Variants in KLF9 observed in about 807,000 individuals in gnomAD.
KLF9 encodes the protein Krueppel-like factor 9.
A neutral mutation model predicts 17.3 loss-of-function variants in KLF9; 2 were observed. The observed-to-expected ratio is 0.12, with a 90% confidence interval of 0.05 to 0.36. The LOEUF is 0.36. KLF9 is among the 10% of genes least tolerant of loss of function. The pLI, the probability that KLF9 is intolerant of heterozygous loss-of-function variation, is 1.00. For synonymous variants in KLF9, 138 were observed against 139.2 expected (o/e 0.99, Z 0.06); for missense variants, 226 against 333.2 (o/e 0.68, Z 2.51).
In KLF9 at chr9:70,404,430, C is replaced by T. The variant is rs181900747; in HGVS notation, c.505+8429G>A. Among the ~76,000 whole-genome samples the T allele has an allele frequency of 4.7e-4, 71 of 151,960 alleles. 2 individuals are homozygous for T. In the East Asian group the frequency reaches 0.01, roughly 22 times the overall value. The stretch of plus-strand genomic sequence containing the variant: ...GCCTGGGCAACATAGTGAAACCCAG[C>T]CTCTACAAAAAATGGTGTGCATCTG... On this transcript the variant is annotated intron_variant, in intron 1 of 1. Transcript: ENST00000377126.
Position 70,413,198 on chromosome 9 carries a change from C to T in KLF9, c.166G>A (p.Asp56Asn), listed in dbSNP as rs1254839485. 2 of 1,614,034 alleles carry T rather than the reference C, an allele frequency of 1.2e-6. No homozygotes were observed. The highest frequency in any genetic ancestry group is 1.7e-6 in the Non-Finnish European group (2 of 1,180,054). ...EHGDPGDTWK[D>N]YCTLVTIAKS... is the part of the protein sequence containing the mutation. ...GCGATGGTGACCAGTGTGCAGTAAT[C>T]CTTCCAGGTGTCCCCCGGGTCACCG... The change falls in exon 1 of 2, where the codon GAT becomes AAT. Residue 56 changes from aspartate (D) to asparagine (N), a missense_variant. Coordinates refer to ENST00000377126, the MANE Select transcript of KLF9 (RefSeq NM_001206.4). This position sits in a 1 kb window ranked among gnomAD's most constrained non-coding sequence, Gnocchi z 5.6.
At position 70,406,912 on chromosome 9, in the gene KLF9, A is replaced by G. The variant is rs1255680379; in HGVS notation, c.505+5947T>C. Among the ~76,000 whole-genome samples, 18 of 148,802 alleles carry G rather than the reference A, an allele frequency of 1.2e-4. No homozygotes were observed. In the South Asian group the frequency reaches 1.9e-3, roughly 16 times the overall value. ...GAGAGAGAGAGAGAAAAAAAAAAAA[A>G]GAACACGGAAGATTTGGAAGTCAAG... On this transcript the variant is annotated intron_variant, in intron 1 of 1. Transcript: ENST00000377126.
At chr9:70,398,490 T>C (rs903868793) in intron 1 of KLF9, among the ~76,000 whole-genome samples, 3 of 133,608 alleles carry the variant, frequency 2.2e-5, no homozygotes, top group Admixed American at 1.4e-4. Context: ...GATAACAGAA[T>C]TTTTTTTTTT....
rs2037125235 is a variant in KLF9 at position 70,387,875 on chromosome 9, G to A, written c.636C>T (p.Phe212=). Residue 212 remains phenylalanine, a synonymous_variant, in exon 2 of 2, where the codon TTC becomes TTT. Transcript: ENST00000377126. The part of the protein sequence containing the change: ...QFRCPLCEKR[F]MRSDHLTKHA... ...GCTTTGTGAGGTGGTCACTCCTCATGAAGCGCTTCTCACACAGCGGACAGC... is the reference window on the plus strand; with the variant it reads ...GCTTTGTGAGGTGGTCACTCCTCATAAAGCGCTTCTCACACAGCGGACAGC... 6.2e-7 allele frequency: 1 copy of A among 1,614,132 alleles called. No homozygotes were observed. Among genetic ancestry groups the A allele is most frequent in the Non-Finnish European group, 8.5e-7 (1 of 1,180,022 alleles).
At chr9:70,412,483 T>C (rs1024089944) in intron 1 of KLF9, among the ~76,000 whole-genome samples, 1 of 151,914 alleles carries the variant, frequency 6.6e-6, no homozygotes, top group Non-Finnish European at 1.5e-5. Flanking sequence ...GAGAATTAAA[T>C]AAAAGATACG....
intron 1 of KLF9, 115 bp downstream of exon 1, chr9:70,412,744 A>T: frequency 1.0e-6 from 1 of 960,746 alleles, no homozygotes; most frequent in Non-Finnish European, 1.6e-6. Flanking sequence ...ACCGCATCTT[A>T]TCCAACATGT....
intron 1 of KLF9, among the ~76,000 whole-genome samples, chr9:70,412,158 G>A (rs2037320063): frequency 7.3e-6 from 1 of 137,628 alleles, no homozygotes; most frequent in Admixed American, 8.2e-5. Flanking sequence ...CGATTCAGGG[G>A]TGGAGGGTGC....
In KLF9 at chr9:70,413,207, T is replaced by A. The variant is rs2037340592; in HGVS notation, c.157A>T (p.Thr53Ser). The change falls in exon 1 of 2, where the codon ACC becomes TCC. Residue 53 changes from threonine to serine, a missense_variant. By Grantham distance (58) the Thr-to-Ser change is moderately conservative (BLOSUM62 1). Coordinates refer to ENST00000377126, the MANE Select transcript of KLF9 (RefSeq NM_001206.4). The surrounding 1 kb of genome is among the most constrained non-coding windows in gnomAD (Gnocchi z 5.6). ...VTKEHGDPGD[T>S]WKDYCTLVTI... The stretch of plus-strand genomic sequence containing the variant: ...ACCAGTGTGCAGTAATCCTTCCAGG[T>A]GTCCCCCGGGTCACCGTGCTCCTTG... 13 of 1,614,094 alleles carry A rather than the reference T, an allele frequency of 8.1e-6. No homozygotes were observed. Among genetic ancestry groups the A allele is most frequent in the Non-Finnish European group, 1.1e-5 (13 of 1,180,026 alleles).
At chr9:70,410,976 C>G (rs1232161239) in intron 1 of KLF9, among the ~76,000 whole-genome samples, 1 of 152,208 alleles carries the variant, frequency 6.6e-6, no homozygotes, top group African/African-American at 2.4e-5. Flanking sequence ...GACTGTAGCA[C>G]TTAAAGCTGA....
intron 1 of KLF9, among the ~76,000 whole-genome samples, chr9:70,396,461 GTGA>G (rs1489554531): frequency 6.6e-6 from 1 of 152,116 alleles, no homozygotes; most frequent in Non-Finnish European, 1.5e-5. Flanking sequence ...GCATAAGTGT[GTGA>G]ATATATATGG....
chr9:70,409,227 TATATA>T, intron 1 of KLF9, among the ~76,000 whole-genome samples: 1 of 139,088 alleles, frequency 7.2e-6, no homozygotes, highest in Admixed American at 7.8e-5. Context: ...TATGTATATA[TATATA>T]CTGAAAAATA....
chr9:70,413,166 G>A lies in KLF9; in HGVS notation c.198C>T (p.Ser66=), dbSNP rs1249547088. ...DYCTLVTIAK[S]LLDLNKYRPI... is the part of the protein sequence containing the mutation. ...GTCGGTACTTGTTCAGGTCCAACAA[G>A]CTCTTGGCGATGGTGACCAGTGTGC... The change falls in exon 1 of 2, where the codon AGC becomes AGT. Residue 66 remains serine (S), a synonymous_variant. Transcript: ENST00000377126. The surrounding 1 kb of genome is among the most constrained non-coding windows in gnomAD (Gnocchi z 5.6). 1.9e-6 allele frequency: 3 copies of A among 1,614,188 alleles called. No homozygotes were observed. Among genetic ancestry groups the A allele is most frequent in the Non-Finnish European group, 2.5e-6 (3 of 1,180,042 alleles).
At chr9:70,388,028 GATACAGCTCAAAGA>G in intron 1 of KLF9, 23 bp from the exon 2 acceptor site, 1 of 1,591,574 alleles carries the variant, frequency 6.3e-7, no homozygotes. Context: ...AATCAGAAAG[GATACAGCTCAAAGA>G]ACATGAAAAA....
chr9:70,413,283 A>T lies in KLF9; in HGVS notation c.81T>A (p.His27Gln), dbSNP rs1189660890. Residue 27 changes from histidine (H) to glutamine (Q), a missense_variant, in exon 1 of 2, where the codon CAT becomes CAA. His to Gln is a conservative substitution (Grantham distance 24, BLOSUM62 0). Transcript: ENST00000377126. This position sits in a 1 kb window ranked among gnomAD's most constrained non-coding sequence, Gnocchi z 5.6. The stretch of plus-strand genomic sequence containing the variant: ...GCCGCTCGGCGTCCGGAGCGACCCC[A>T]TGCTCCGGCACCGCAGCGCGGTTCG... ...SISNRAAVPE[H>Q]GVAPDAERLR... The T allele has an allele frequency of 6.2e-7, 1 of 1,612,414 alleles. No individual in the cohort carries two copies. The highest frequency in any genetic ancestry group is 1.1e-5 in the South Asian group (1 of 91,020).
At chr9:70,402,336 G>A (rs1317008603) in intron 1 of KLF9, among the ~76,000 whole-genome samples, 1 of 152,070 alleles carries the variant, frequency 6.6e-6, no homozygotes, top group Non-Finnish European at 1.5e-5. Flanking sequence ...TCTACTTTTT[G>A]CCTCTTATGA....
chr9:70,412,511 TG>T lies in KLF9; in HGVS notation c.505+347del, dbSNP rs372458081. ...AAGATACGCCATCTGACTTCCCCGC[TG>T]CCAGCGTCTCCCAGGTGGGGTGGCC... On this transcript the variant is annotated intron_variant, in intron 1 of 1. Transcript: ENST00000377126. Among the ~76,000 whole-genome samples the T allele has an allele frequency of 2.8e-4, 42 of 151,486 alleles. No individual in the cohort carries two copies. The East Asian group carries it at 7.9e-3, about 29-fold the overall frequency.
rs992436743 is a variant in KLF9 at position 70,387,525 on chromosome 9, C to G, written c.*251G>C. On this transcript the variant is annotated 3_prime_UTR_variant, in exon 2 of 2. Transcript: ENST00000377126. ...AAACCCAAAAGCATTTGCCTTCCCTCCAACAGTCAGAGACGGGTTCAGAGA... is the reference window on the plus strand; with the variant it reads ...AAACCCAAAAGCATTTGCCTTCCCTGCAACAGTCAGAGACGGGTTCAGAGA... 2.1e-5 allele frequency: 8 copies of G among 382,558 alleles called. No individual in the cohort carries two copies. The highest frequency in any genetic ancestry group is 3.4e-5 in the Non-Finnish European group (7 of 208,848). The allele number at this position is 382,558 out of a possible 1,614,324, so 23.7% of individuals were successfully genotyped here. A position where few individuals can be genotyped will look rare whatever the true frequency, so the allele number is the denominator to read the frequency against.
chr9:70,391,556 A>G (rs2037153446), intron 1 of KLF9, among the ~76,000 whole-genome samples: 1 of 152,202 alleles, frequency 6.6e-6, no homozygotes, highest in African/African-American at 2.4e-5. Flanking sequence ...TGTAACTTGT[A>G]TAATTCAAGT....
At chr9:70,391,165 C>T (rs114906487) in intron 1 of KLF9, among the ~76,000 whole-genome samples, 2,034 of 152,188 alleles carry the variant, frequency 0.013, 46 homozygotes, top group African/African-American at 0.045. Flanking sequence ...GACCAGAAGA[C>T]CATTCAGCTG....
Sources: gnomAD v4.1 joint callset for allele counts (sites outside exome capture counted in the v4.1 genomes callset) on GRCh38, gnomAD v4.1.1 for gene constraint, Gnocchi (gnomAD v3.1) non-coding constraint, MANE v1.5 for transcripts, NCBI Gene and HGNC (gene_info 2026-07-23, HGNC 2026-07-21) for gene names.